The following LHFPL4 variants were observed in gnomAD, a reference collection of about 807,000 sequenced individuals.
LHFPL4 encodes LHFPL tetraspan subfamily member 4 protein.
A neutral mutation model predicts 20.0 loss-of-function variants in LHFPL4; 6 were observed. The observed-to-expected ratio is 0.30, with a 90% CI of 0.16 to 0.59. The LOEUF (loss-of-function observed/expected upper bound fraction) is 0.59. Among genes scored for constraint, LHFPL4 ranks in the 20% least tolerant of loss-of-function variants. The pLI is 0.88. For missense variants in LHFPL4, 215 were observed against 331.2 expected, an observed-to-expected ratio of 0.65 and a Z score of 2.72; for synonymous variants, 129 against 143.8, an observed-to-expected ratio of 0.90 and a Z score of 0.74.
intron 2 of LHFPL4, among the ~76,000 whole-genome samples, chr3:9,525,445 A>C (rs2046367381): frequency 6.6e-6 from 1 of 152,126 alleles, no homozygotes; most frequent in African/African-American, 2.4e-5. Context: ...TGTCGCTCCA[A>C]TTTTGGGGGC....
At chr3:9,524,550 G>A (rs2046361455) in intron 2 of LHFPL4, among the ~76,000 whole-genome samples, 1 of 152,034 alleles carries the variant, frequency 6.6e-6, no homozygotes, top group Admixed American at 6.6e-5. Flanking sequence ...CCCGTCAAAG[G>A]CATTCTTCCT....
chr3:9,515,669 G>A (rs934631528), intron 2 of LHFPL4, among the ~76,000 whole-genome samples: 3 of 151,712 alleles, frequency 2.0e-5, no homozygotes, highest in Non-Finnish European at 4.4e-5. Context: ...ACCACATCCC[G>A]CCTCAAGAGT....
chr3:9,528,849 A>C (rs1325650604), intron 2 of LHFPL4, among the ~76,000 whole-genome samples: 1 of 151,468 alleles, frequency 6.6e-6, no homozygotes, highest in Admixed American at 6.6e-5. Context: ...TCCTGACCTC[A>C]GGTGATCTGC....
chr3:9,515,895 A>G, intron 2 of LHFPL4, among the ~76,000 whole-genome samples: 1 of 151,640 alleles, frequency 6.6e-6, no homozygotes, highest in East Asian at 1.9e-4. Flanking sequence ...TTGTATTTTT[A>G]GTAAAGATGG....
rs571691343 is a variant in LHFPL4 at position 9,504,159 on chromosome 3, C to G, written c.643+1808G>C. The stretch of plus-strand genomic sequence containing the variant: ...GCTGAGGCAGGCAGATCACTTGAGG[C>G]CAGGAGTTTGAGACCAGCCTGGCCA... On this transcript the variant is annotated intron_variant, in intron 3 of 3. Transcript: ENST00000287585. Among the ~76,000 whole-genome samples the G allele has an allele frequency of 4.7e-4, 72 of 152,086 alleles. 1 individual carries two copies. The highest frequency in any genetic ancestry group is 9.3e-4 in the Non-Finnish European group (63 of 68,008).
intron 2 of LHFPL4, among the ~76,000 whole-genome samples, chr3:9,537,579 A>G (rs180975369): frequency 1.3e-3 from 193 of 151,790 alleles, no homozygotes; most frequent in African/African-American, 4.5e-3. Context: ...TGCCACATCC[A>G]CCTCTAGGAT....
At chr3:9,514,790 A>G (rs2046287237) in intron 2 of LHFPL4, among the ~76,000 whole-genome samples, 1 of 152,172 alleles carries the variant, frequency 6.6e-6, no homozygotes, top group East Asian at 1.9e-4. Flanking sequence ...GGACTTAGTA[A>G]TATGCATTTA....
At chr3:9,512,079 C>T (rs563977796) in intron 2 of LHFPL4, among the ~76,000 whole-genome samples, 172 of 152,304 alleles carry the variant, frequency 1.1e-3, no homozygotes, top group Non-Finnish European at 2.1e-3. Flanking sequence ...ACTACAGGCG[C>T]CCGCCACCAC....
rs1343606057 is a variant in LHFPL4 at position 9,499,111 on chromosome 3, G to C, written c.*3100C>G. The C allele has an allele frequency of 6.5e-6, 1 of 153,494 alleles. No homozygotes were observed. Among genetic ancestry groups the C allele is most frequent in the East Asian group, 1.9e-4 (1 of 5,222 alleles). The allele number at this position is 153,494 out of a possible 1,614,324, so 9.5% of individuals were successfully genotyped here. On this transcript the variant is annotated 3_prime_UTR_variant, in exon 4 of 4. Coordinates refer to ENST00000287585, the MANE Select transcript of LHFPL4 (RefSeq NM_198560.3). ...TAGGGGGGGACTTCTCTTGGGACCT[G>C]AAGCCGGAAGGCTCTAGGTTGGAGC...
rs771348866 is a variant in LHFPL4 at position 9,506,025 on chromosome 3, G to A, written c.585C>T (p.Phe195=). 188 of 1,614,096 alleles carry A rather than the reference G, an allele frequency of 1.2e-4. No individual in the cohort carries two copies. Among genetic ancestry groups the A allele is most frequent in the Middle Eastern group, 3.3e-4 (2 of 6,084 alleles). ...GGTCTGTTTGCCGGTTGCCCAGCAC[G>A]AAGGCGAGGAAGGAGAGGATGAGGG... ...LNALILSFLA[F]VLGNRQTDLL... Residue 195 remains phenylalanine (F), a synonymous_variant, in exon 3 of 4, where the codon TTC becomes TTT. Transcript: ENST00000287585. The surrounding 1 kb of genome is among the most constrained non-coding windows in gnomAD (Gnocchi z 4.5).
chr3:9,543,668 C>T (rs917193045), intron 2 of LHFPL4, among the ~76,000 whole-genome samples: 3 of 151,096 alleles, frequency 2.0e-5, no homozygotes, highest in African/African-American at 4.9e-5. Context: ...AAACAAATAT[C>T]ATAAATGCTT....
At chr3:9,516,688 G>A (rs2046304523) in intron 2 of LHFPL4, among the ~76,000 whole-genome samples, 1 of 151,864 alleles carries the variant, frequency 6.6e-6, no homozygotes, top group Non-Finnish European at 1.5e-5. Flanking sequence ...TGGCTAGGCT[G>A]GTCTCGAACT....
chr3:9,514,859 A>G (rs181766904), intron 2 of LHFPL4, among the ~76,000 whole-genome samples: 133 of 152,304 alleles, frequency 8.7e-4, no homozygotes, highest in African/African-American at 3.1e-3. Flanking sequence ...GCTCAATAAT[A>G]TTCTATATTC....
intron 2 of LHFPL4, among the ~76,000 whole-genome samples, chr3:9,517,793 G>GTGTTTTTTTT (rs2046312848): frequency 2.4e-5 from 3 of 124,422 alleles, no homozygotes; most frequent in African/African-American, 8.6e-5. Context: ...AGGAGGTTGG[G>GTGTTTTTTTT]TTTTTTTGTT....
At chr3:9,543,396 G>A (rs2046490258) in intron 2 of LHFPL4, among the ~76,000 whole-genome samples, 1 of 152,018 alleles carries the variant, frequency 6.6e-6, no homozygotes. Context: ...AGCTACTCGG[G>A]AGGCTGAGGA....
At chr3:9,539,454 CAA>C (rs57211005) in intron 2 of LHFPL4, among the ~76,000 whole-genome samples, 11 of 109,410 alleles carry the variant, frequency 1.0e-4, no homozygotes, top group South Asian at 3.3e-4. Context: ...AACTTCGTCT[CAA>C]AAAAAAAAAA....
intron 2 of LHFPL4, among the ~76,000 whole-genome samples, chr3:9,551,692 C>A (rs536483722): frequency 2.3e-4 from 35 of 152,290 alleles, no homozygotes; most frequent in Admixed American, 1.8e-3. Context: ...CCACTCACAT[C>A]TCAAACAGTG....
intron 2 of LHFPL4, among the ~76,000 whole-genome samples, chr3:9,507,707 C>T (rs1243808910): frequency 6.6e-6 from 1 of 152,222 alleles, no homozygotes; most frequent in East Asian, 1.9e-4. Context: ...TCCCAATCCC[C>T]GCCCAGGTGG....
At chr3:9,552,229 G>A (rs776999806) in intron 2 of LHFPL4, 45 bp downstream of exon 2, 3 of 1,545,918 alleles carry the variant, frequency 1.9e-6, no homozygotes, top group Non-Finnish European at 2.6e-6. Context: ...AAGGAGCCCC[G>A]TCCCTGGCGC....
Sources: allele counts gnomAD v4.1 joint callset (sites outside exome capture counted in the v4.1 genomes callset), GRCh38; gene constraint gnomAD v4.1.1; non-coding constraint Gnocchi (gnomAD v3.1); transcripts MANE v1.5; gene names NCBI Gene and HGNC (gene_info 2026-07-23, HGNC 2026-07-21).